Variants in KLF8 observed in about 807,000 individuals in gnomAD.
The protein encoded by KLF8 is Krueppel-like factor 8.
Under a neutral mutation model 18.2 loss-of-function variants are expected in KLF8, and 10 were observed. The ratio of observed to expected loss-of-function variants is 0.55; its 90% CI spans 0.34 to 0.93. The LOEUF is 0.93. KLF8 is among the 40% of genes least tolerant of loss of function. The pLI, the probability that KLF8 is intolerant of heterozygous loss-of-function variation, is 0.02. For missense variants in KLF8, 264 were observed against 277.9 expected, an observed-to-expected ratio of 0.95 and a Z score of 0.36; for synonymous variants, 109 against 97.3, an observed-to-expected ratio of 1.12 and a Z score of -0.71.
chrX:56,103,867 T>G, the KLF8 span, among the ~76,000 whole-genome samples: 1 of 111,206 alleles, frequency 9.0e-6, no homozygotes, highest in South Asian at 3.8e-4. Flanking sequence ...ATAGCTCTTA[T>G]TATTTTGAGA....
the KLF8 span, among the ~76,000 whole-genome samples, chrX:55,955,617 G>T: frequency 2.7e-5 from 3 of 111,510 alleles, no homozygotes; most frequent in Non-Finnish European, 5.7e-5. Context: ...GAGTAAGAAA[G>T]TTCAGGCTGT....
At chrX:55,965,940 T>G in the KLF8 span, among the ~76,000 whole-genome samples, 14 of 111,860 alleles carry the variant, frequency 1.3e-4, 1 homozygote, top group South Asian at 5.3e-3. Flanking sequence ...CTGGCAGCAT[T>G]CACCACAAGC....
the KLF8 span, among the ~76,000 whole-genome samples, chrX:56,140,784 G>C: frequency 1.4e-5 from 1 of 70,279 alleles, no homozygotes; most frequent in East Asian, 4.3e-4. Context: ...AAATGAAAAC[G>C]CTGCCCCTCC....
chrX:55,939,661 C>G, the KLF8 span, among the ~76,000 whole-genome samples: 1 of 110,856 alleles, frequency 9.0e-6, no homozygotes, highest in African/African-American at 3.3e-5. Context: ...AGAGAAGAAC[C>G]AAATAGACAC....
At chrX:56,007,793 A>G in the KLF8 span, among the ~76,000 whole-genome samples, 1 of 111,409 alleles carries the variant, frequency 9.0e-6, no homozygotes, top group Non-Finnish European at 1.9e-5. Flanking sequence ...AAATATACTT[A>G]CCAAATCATT....
At chrX:55,909,678 G>A in the KLF8 span, among the ~76,000 whole-genome samples, 1 of 112,396 alleles carries the variant, frequency 8.9e-6, no homozygotes. Context: ...TTCAGTACCA[G>A]GTGTCCATAT....
chrX:55,923,044 C>T, the KLF8 span, among the ~76,000 whole-genome samples: 1 of 111,080 alleles, frequency 9.0e-6, no homozygotes, highest in Non-Finnish European at 1.9e-5. Flanking sequence ...CATTGCAGCA[C>T]TATTCACAAT....
At chrX:56,053,544 G>GTTT in the KLF8 span, among the ~76,000 whole-genome samples, 22 of 68,738 alleles carry the variant, frequency 3.2e-4, no homozygotes, top group Admixed American at 2.9e-3. Flanking sequence ...TCTTTTCTTT[G>GTTT]TTTTTTTTTT....
chrX:56,231,271 A>G (rs764348129), upstream of KLF8, among the ~76,000 whole-genome samples: 1 of 111,948 alleles, frequency 8.9e-6, no homozygotes, highest in African/African-American at 3.2e-5. Context: ...AGGAAGGTAG[A>G]TGAGATGCAC....
the KLF8 span, among the ~76,000 whole-genome samples, chrX:56,055,584 C>T: frequency 9.0e-6 from 1 of 111,657 alleles, no homozygotes; most frequent in Non-Finnish European, 1.9e-5. Flanking sequence ...GGATTCTCTG[C>T]ATTTTTTGAA....
chrX:55,928,346 C>A, the KLF8 span, among the ~76,000 whole-genome samples: 5 of 111,106 alleles, frequency 4.5e-5, no homozygotes, highest in African/African-American at 1.3e-4. Flanking sequence ...GCTGAGTTTC[C>A]CCACTTTCCC....
chrX:55,933,166 T>G, the KLF8 span, among the ~76,000 whole-genome samples: 30 of 112,059 alleles, frequency 2.7e-4, no homozygotes, highest in East Asian at 7.0e-3. Flanking sequence ...CCATTTTGCT[T>G]TTCATACTTT....
rs2067266219 is a variant in KLF8, at chrX:56,286,165, T to G, written c.*1671T>G. ...GGGATCACATAATTTTATTTATTTA[T>G]TTTTTGAGAGACGGTTTCACTCCAT... On this transcript the variant is annotated 3_prime_UTR_variant, in exon 6 of 6. Transcript: ENST00000468660. 9.0e-6 allele frequency: 1 copy of G among 111,221 alleles called. No homozygotes were observed. The highest frequency in any genetic ancestry group is 9.6e-5 in the Admixed American group (1 of 10,456). 9.2% of individuals were successfully genotyped at this position (111,221 alleles called of 1,213,427 possible). A position where few individuals can be genotyped will look rare whatever the true frequency, so the allele number is the denominator to read the frequency against.
the KLF8 span, among the ~76,000 whole-genome samples, chrX:55,949,481 T>A: frequency 1.1e-4 from 12 of 110,611 alleles, no homozygotes. Flanking sequence ...TTGGTTTATT[T>A]GGTTTAGCTC....
the KLF8 span, among the ~76,000 whole-genome samples, chrX:55,948,099 G>A: frequency 8.9e-6 from 1 of 112,141 alleles, no homozygotes; most frequent in Admixed American, 9.5e-5. Context: ...TAGTGTGCTT[G>A]CAAACAGGTT....
At chrX:55,942,456 C>T in the KLF8 span, among the ~76,000 whole-genome samples, 2 of 110,335 alleles carry the variant, frequency 1.8e-5, no homozygotes, top group Admixed American at 9.7e-5. Flanking sequence ...CAACATTGCA[C>T]ATGTGTACAT....
At chrX:56,184,093 G>C in the KLF8 span, among the ~76,000 whole-genome samples, 1 of 112,701 alleles carries the variant, frequency 8.9e-6, no homozygotes, top group East Asian at 2.8e-4. Flanking sequence ...AGAAGCACAA[G>C]GTGTCAGGGA....
chrX:56,072,791 T>C, the KLF8 span, among the ~76,000 whole-genome samples: 1 of 111,632 alleles, frequency 9.0e-6, no homozygotes. Context: ...TCATCACTAC[T>C]ATCTATTTCC....
chrX:56,137,779 C>CA, the KLF8 span, among the ~76,000 whole-genome samples: 218 of 99,717 alleles, frequency 2.2e-3, 1 homozygote, highest in South Asian at 7.0e-3. Flanking sequence ...AACAAAGAAA[C>CA]AAAAAAAAAA....
Sources: gnomAD v4.1 joint callset for allele counts (sites outside exome capture counted in the v4.1 genomes callset) on GRCh38, gnomAD v4.1.1 for gene constraint, MANE v1.5 for transcripts, NCBI Gene and HGNC (gene_info 2026-07-23, HGNC 2026-07-21) for gene names.